Variants in UNC5D observed in about 807,000 individuals in gnomAD.
The protein encoded by UNC5D is unc-5 netrin receptor D.
In UNC5D, 39 loss-of-function variants were observed where a neutral mutation model predicts 105.4. The observed-to-expected ratio is 0.37, with a 90% CI of 0.29 to 0.48. The LOEUF is 0.48. Among genes scored for constraint, UNC5D ranks in the 20% least tolerant of loss-of-function variants. The pLI, the probability that UNC5D is intolerant of heterozygous loss-of-function variation, is 0.98. For missense variants in UNC5D, 991 were observed against 1,202.4 expected (o/e 0.82, Z 2.60); for synonymous variants, 452 against 450.4 (o/e 1.00, Z -0.04).
chr8:35,324,105 C>T (rs1443467481), intron 1 of UNC5D, among the ~76,000 whole-genome samples: 2 of 151,764 alleles, frequency 1.3e-5, no homozygotes, highest in Non-Finnish European at 2.9e-5. Flanking sequence ...TGGCATCCAC[C>T]TATAAGTCCC....
At position 35,498,079 on chromosome 8, in the gene UNC5D, CAAAACAAAAAAAAAAAA is replaced by C. The variant is rs370250966; in HGVS notation, c.104-51208_104-51192del. Among the ~76,000 whole-genome samples, 74 of 59,484 alleles carry C rather than the reference CAAAACAAAAAAAAAAAA, an allele frequency of 1.2e-3. No individual in the cohort carries two copies. In the South Asian group the frequency reaches 0.033, roughly 26 times the overall value. The allele number at this position is 59,484 out of a possible 152,430, so 39.0% of individuals were successfully genotyped here. On this transcript the variant is annotated intron_variant, in intron 1 of 16. Transcript: ENST00000404895. ...AGCAAAACTCCATCTCAAAACAAAA[CAAAACAAAAAAAAAAAA>C]AAAAAAAAAAAAAAAGCGGGGGAGA...
intron 1 of UNC5D, among the ~76,000 whole-genome samples, chr8:35,455,761 A>G (rs1326885384): frequency 6.6e-6 from 1 of 152,258 alleles, no homozygotes; most frequent in Middle Eastern, 3.4e-3. Flanking sequence ...GGCAAAAGGC[A>G]CATCTTACAT....
chr8:35,354,971 G>C (rs1246502836), intron 1 of UNC5D, among the ~76,000 whole-genome samples: 1 of 152,132 alleles, frequency 6.6e-6, no homozygotes, highest in African/African-American at 2.4e-5. Context: ...GGGTAGTCAT[G>C]CTTCTTTTAT....
chr8:35,549,250 A>G, intron 1 of UNC5D, 42 bp from the exon 2 acceptor site: 1 of 1,597,552 alleles, frequency 6.3e-7, no homozygotes, highest in Non-Finnish European at 8.6e-7. Context: ...TGTATGTGCT[A>G]TCAATGTAGG....
intron 1 of UNC5D, among the ~76,000 whole-genome samples, chr8:35,486,388 G>A (rs780645916): frequency 6.6e-6 from 1 of 152,106 alleles, no homozygotes; most frequent in Non-Finnish European, 1.5e-5. Context: ...TACTAATACC[G>A]ATGCTGATGG....
intron 3 of UNC5D, among the ~76,000 whole-genome samples, chr8:35,568,534 C>A (rs934620246): frequency 3.9e-5 from 6 of 152,194 alleles, no homozygotes; most frequent in Admixed American, 1.3e-4. Flanking sequence ...ACTAATAATA[C>A]AAAAATTAGC....
intron 16 of UNC5D, among the ~76,000 whole-genome samples, chr8:35,788,553 G>A (rs1802857327): frequency 6.6e-6 from 1 of 152,186 alleles, no homozygotes; most frequent in African/African-American, 2.4e-5. Context: ...AAGCACTGTA[G>A]GAATCAATTA....
intron 1 of UNC5D, among the ~76,000 whole-genome samples, chr8:35,466,710 C>T (rs1248543127): frequency 5.3e-5 from 8 of 152,222 alleles, no homozygotes; most frequent in African/African-American, 1.9e-4. Flanking sequence ...TCATAATTTA[C>T]AGATTTTTTC....
At chr8:35,578,211 G>A (rs1206610465) in intron 3 of UNC5D, among the ~76,000 whole-genome samples, 1 of 98,498 alleles carries the variant, frequency 1.0e-5, no homozygotes, top group African/African-American at 4.4e-5. Flanking sequence ...CGGGACAAGA[G>A]CAAAACTCTG....
At chr8:35,398,365 A>G (rs1251571397) in intron 1 of UNC5D, among the ~76,000 whole-genome samples, 1 of 152,194 alleles carries the variant, frequency 6.6e-6, no homozygotes, top group African/African-American at 2.4e-5. Flanking sequence ...CACTAATTAT[A>G]TCATAATTTA....
rs1586655647 is a variant in UNC5D at position 35,792,219 on chromosome 8, G to A, written c.*1656G>A. The A allele has an allele frequency of 1.3e-5, 2 of 152,012 alleles. No individual in the cohort carries two copies. The highest frequency in any genetic ancestry group is 1.5e-5 in the Non-Finnish European group (1 of 68,002). The allele number at this position is 152,012 out of a possible 1,614,324, so 9.4% of individuals were successfully genotyped here. A position where few individuals can be genotyped will look rare whatever the true frequency, so the allele number is the denominator to read the frequency against. ...TCCCTTGTAAAATAATAATAATAAT[G>A]TTGTGAATCTCCATGCCAAGTGAAA... On this transcript the variant is annotated 3_prime_UTR_variant, in exon 17 of 17. Coordinates refer to ENST00000404895, the MANE Select transcript of UNC5D (RefSeq NM_080872.4).
intron 1 of UNC5D, among the ~76,000 whole-genome samples, chr8:35,442,570 C>T (rs1055363952): frequency 7.2e-5 from 11 of 151,902 alleles, no homozygotes; most frequent in African/African-American, 1.7e-4. Flanking sequence ...AGTCCCACCT[C>T]AAATGTCCGG....
intron 1 of UNC5D, among the ~76,000 whole-genome samples, chr8:35,467,908 G>A (rs984903259): frequency 1.2e-4 from 19 of 152,160 alleles, no homozygotes; most frequent in African/African-American, 4.6e-4. Context: ...AATGACCAAT[G>A]TGATATTTTT....
chr8:35,577,199 A>G (rs1346139875), intron 3 of UNC5D, among the ~76,000 whole-genome samples: 1 of 152,106 alleles, frequency 6.6e-6, no homozygotes, highest in African/African-American at 2.4e-5. Context: ...AACTAGTATC[A>G]TTATCAATAA....
At chr8:35,741,521 G>A (rs1829762221) in intron 11 of UNC5D, among the ~76,000 whole-genome samples, 1 of 152,166 alleles carries the variant, frequency 6.6e-6, no homozygotes, top group East Asian at 1.9e-4. Flanking sequence ...ATGGCATGAT[G>A]AGTTATAACA....
chr8:35,383,636 A>G (rs905479262), intron 1 of UNC5D, among the ~76,000 whole-genome samples: 4 of 152,254 alleles, frequency 2.6e-5, no homozygotes, highest in Non-Finnish European at 4.4e-5. Context: ...TGACCACAGG[A>G]AGAAGTGGTA....
At chr8:35,633,189 A>G (rs1335332056) in intron 4 of UNC5D, among the ~76,000 whole-genome samples, 3 of 152,210 alleles carry the variant, frequency 2.0e-5, no homozygotes, top group South Asian at 2.1e-4. Context: ...CCCTTAGGAT[A>G]GGACTTCTTG....
intron 1 of UNC5D, among the ~76,000 whole-genome samples, chr8:35,439,310 G>A (rs1264656442): frequency 6.6e-6 from 1 of 152,026 alleles, no homozygotes; most frequent in Non-Finnish European, 1.5e-5. Flanking sequence ...TTAATTTTCA[G>A]GAAACCTAAA....
In UNC5D at chr8:35,286,718, C is replaced by T. The variant is rs1806627217; in HGVS notation, c.103+50831C>T. Among the ~76,000 whole-genome samples, 3 of 152,308 alleles carry T rather than the reference C, an allele frequency of 2.0e-5. No individual in the cohort carries two copies. The South Asian group carries it at 6.2e-4, about 32-fold the overall frequency. ...CCATGGAAAGAGCATCTGGCCACCA[C>T]CAAACCTTGGCGTTCTACTCTACCC... On this transcript the variant is annotated intron_variant, in intron 1 of 16. Coordinates refer to ENST00000404895, the MANE Select transcript of UNC5D (RefSeq NM_080872.4).
Sources: gnomAD v4.1 joint callset for allele counts (sites outside exome capture counted in the v4.1 genomes callset) on GRCh38, gnomAD v4.1.1 for gene constraint, MANE v1.5 for transcripts, NCBI Gene and HGNC (gene_info 2026-07-23, HGNC 2026-07-21) for gene names.